Variants in SPTBN4 observed in about 807,000 individuals in gnomAD.
SPTBN4 encodes spectrin beta, non-erythrocytic 4.
SPTBN4 carries 96 observed loss-of-function variants against 277.8 expected under a neutral mutation model. The observed-to-expected ratio is 0.35, with a 90% CI of 0.29 to 0.41. The LOEUF is 0.41. Among genes scored for constraint, SPTBN4 ranks in the 10% least tolerant of loss-of-function variants. The probability of loss-of-function intolerance (pLI) is 1.00; values close to 1 mark genes in which losing one functional copy is unlikely to be tolerated. For missense variants in SPTBN4, 3,006 were observed against 3,595.7 expected, an observed-to-expected ratio of 0.84 and a Z score of 4.19; for synonymous variants, 1,481 against 1,580.3, an observed-to-expected ratio of 0.94 and a Z score of 1.49.
rs1379345255 is a variant in SPTBN4 at position 40,515,683 on chromosome 19, C to T, written c.2903+235C>T. ...CCAGAAAGAATGTATTGGATATCTA[C>T]AATCTGCCAGGAGTATTCCCAAGCA... is the stretch of plus-strand genomic sequence containing the variant. On this transcript the variant is annotated intron_variant, in intron 15 of 35. Transcript: ENST00000598249. The surrounding 1 kb of genome is among the most constrained non-coding windows in gnomAD (Gnocchi z 4.1). Among the ~76,000 whole-genome samples the T allele has an allele frequency of 6.6e-6, 1 of 152,092 alleles. No individual in the cohort carries two copies. Among genetic ancestry groups the T allele is most frequent in the Non-Finnish European group, 1.5e-5 (1 of 68,024 alleles).
chr19:40,544,127 C>CTTTTTTTTTTTTTTTT (rs10618096), intron 20 of SPTBN4, among the ~76,000 whole-genome samples: 27 of 128,854 alleles, frequency 2.1e-4, no homozygotes, highest in East Asian at 4.4e-4. Context: ...TCTTCTTCCT[C>CTTTTTTTTTTTTTTTT]TTTTTTTTTT....
At chr19:40,481,470 TTTTTGTTTTG>T (rs556360258) in intron 2 of SPTBN4, among the ~76,000 whole-genome samples, 20 of 151,976 alleles carry the variant, frequency 1.3e-4, no homozygotes, top group Admixed American at 5.3e-4. Flanking sequence ...ATGGTCAGGT[TTTTTGTTTTG>T]TTTTGTTTTG....
Position 40,515,940 on chromosome 19 carries a change from T to C in SPTBN4, c.2903+492T>C, listed in dbSNP as rs1366187872. ...ACACACATATATATACACACATATA[T>C]ACGTATATATACACATATATACGTA... On this transcript the variant is annotated intron_variant, in intron 15 of 35. Coordinates refer to ENST00000598249, the MANE Select transcript of SPTBN4 (RefSeq NM_020971.3). The surrounding 1 kb of genome is among the most constrained non-coding windows in gnomAD (Gnocchi z 4.1). 1.4e-5 allele frequency among the ~76,000 whole-genome samples: 1 copy of C among 72,898 alleles called. No individual in the cohort carries two copies. 47.8% of individuals were successfully genotyped at this position (72,898 alleles called of 152,430 possible).
chr19:40,515,079 T>G lies in SPTBN4; in HGVS notation c.2766-232T>G, dbSNP rs999244074. On this transcript the variant is annotated intron_variant, in intron 14 of 35. Transcript: ENST00000598249. This position sits in a 1 kb window ranked among gnomAD's most constrained non-coding sequence, Gnocchi z 4.1. ...ACAATCGCGCCACTGCACTCCAGCC[T>G]GGGTGACAGAGCGAGACTCTGTCTC... is the stretch of plus-strand genomic sequence containing the variant. Among the ~76,000 whole-genome samples the G allele has an allele frequency of 2.6e-5, 4 of 152,146 alleles. No homozygotes were observed. Among genetic ancestry groups the G allele is most frequent in the African/African-American group, 9.7e-5 (4 of 41,430 alleles).
chr19:40,559,549 G>A (rs935710628), intron 26 of SPTBN4, among the ~76,000 whole-genome samples: 3 of 152,176 alleles, frequency 2.0e-5, no homozygotes, highest in African/African-American at 7.2e-5. Flanking sequence ...TTAGTAGGCT[G>A]AGGCAGGAGG....
chr19:40,550,262 C>A lies in SPTBN4; in HGVS notation c.4609C>A (p.Leu1537Met), dbSNP rs143003476. The A allele has an allele frequency of 7.4e-5, 119 of 1,613,494 alleles. No individual in the cohort carries two copies. In the African/African-American group the frequency reaches 1.5e-3, roughly 20 times the overall value. ...ELAWVQERLP[L>M]AMQTERGNGL... The stretch of plus-strand genomic sequence containing the variant: ...GGCATGGGTTCAGGAGCGGCTGCCA[C>A]TGGCCATGCAGACAGAGCGAGGCAA... Residue 1537 changes from leucine (L) to methionine (M), a missense_variant, in exon 22 of 36, where the codon CTG becomes ATG. This residue lies in a region of SPTBN4 where 1,759 missense variants were observed against 2,061.5 expected (regional missense o/e 0.85). Coordinates refer to ENST00000598249, the MANE Select transcript of SPTBN4 (RefSeq NM_020971.3).
chr19:40,513,012 G>C lies in SPTBN4; in HGVS notation c.2223G>C (p.Leu741=). ...GCCCGGGAGCAGACACCGTGCACCTGGTAGGCCTGGCGGAGCGCGCGGCGA... is the reference window on the plus strand; with the variant it reads ...GCCCGGGAGCAGACACCGTGCACCTCGTAGGCCTGGCGGAGCGCGCGGCGA... The part of the protein sequence containing the change: ...AVGPGADTVH[L]VGLAERAASA... The change falls in exon 14 of 36, where the codon CTG becomes CTC. Residue 741 remains leucine (L), a synonymous_variant. Transcript: ENST00000598249. The C allele has an allele frequency of 7.0e-7, 1 of 1,432,304 alleles. No individual in the cohort carries two copies. Among genetic ancestry groups the C allele is most frequent in the Non-Finnish European group, 9.1e-7 (1 of 1,099,874 alleles). The allele number at this position is 1,432,304 out of a possible 1,614,324, so 88.7% of individuals were successfully genotyped here.
chr19:40,555,514 G>GAA (rs796173892), intron 24 of SPTBN4, among the ~76,000 whole-genome samples: 2 of 140,032 alleles, frequency 1.4e-5, no homozygotes, highest in South Asian at 2.3e-4. Flanking sequence ...AAAAAGAAAA[G>GAA]AAAAAAAAAG....
At chr19:40,544,693 C>T (rs1035689057) in intron 20 of SPTBN4, among the ~76,000 whole-genome samples, 4 of 152,050 alleles carry the variant, frequency 2.6e-5, no homozygotes, top group African/African-American at 4.8e-5. Flanking sequence ...AGGTGATCCA[C>T]GCGCCTTGGC....
intron 6 of SPTBN4, 49 bp downstream of exon 6, chr19:40,495,026 T>C (rs771066363): frequency 1.3e-6 from 2 of 1,557,218 alleles, no homozygotes; most frequent in Non-Finnish European, 1.8e-6. Context: ...GCCCCCCATA[T>C]CCCTGCAGCT....
At position 40,515,943 on chromosome 19, in the gene SPTBN4, GTATA is replaced by G. The variant is rs1409031560; in HGVS notation, c.2903+500_2903+503del. Among the ~76,000 whole-genome samples the G allele has an allele frequency of 1.5e-5, 1 of 67,044 alleles. No homozygotes were observed. The highest frequency in any genetic ancestry group is 3.4e-5 in the Non-Finnish European group (1 of 29,710). 44.0% of individuals were successfully genotyped at this position (67,044 alleles called of 152,430 possible). ...CACATATATATACACACATATATAC[GTATA>G]TATACACATATATACGTATATATAC... is the stretch of plus-strand genomic sequence containing the variant. On this transcript the variant is annotated intron_variant, in intron 15 of 35. Transcript: ENST00000598249. This position sits in a 1 kb window ranked among gnomAD's most constrained non-coding sequence, Gnocchi z 4.1.
At chr19:40,484,893 C>G (rs1314326091) in intron 2 of SPTBN4, among the ~76,000 whole-genome samples, 1 of 151,880 alleles carries the variant, frequency 6.6e-6, no homozygotes, top group Non-Finnish European at 1.5e-5. Flanking sequence ...GATCGCGCCA[C>G]TGCACTCCAG....
At chr19:40,499,648 T>C (rs1442063052) in intron 7 of SPTBN4, among the ~76,000 whole-genome samples, 1 of 151,950 alleles carries the variant, frequency 6.6e-6, no homozygotes, top group Non-Finnish European at 1.5e-5. Flanking sequence ...CCTCCCACCT[T>C]GGCCTCCCAG....
intron 20 of SPTBN4, among the ~76,000 whole-genome samples, chr19:40,548,404 TC>T (rs1468220869): frequency 1.3e-5 from 2 of 152,012 alleles, no homozygotes; most frequent in African/African-American, 4.8e-5. Flanking sequence ...GGCACAAGAA[TC>T]ACTTGAACCT....
intron 20 of SPTBN4, among the ~76,000 whole-genome samples, chr19:40,546,088 G>GT (rs1266838448): frequency 8.6e-5 from 13 of 150,342 alleles, no homozygotes; most frequent in Non-Finnish European, 1.8e-4. Context: ...AACCGGGCGT[G>GT]GTGATGTGTG....
Position 40,513,171 on chromosome 19 carries a change from C to A in SPTBN4, c.2382C>A (p.Arg794=). ...GLLDWLRDAY[R]LAAAGDFGHD... Reference sequence around the variant, plus strand: ...TGGACTGGCTTCGCGACGCTTACCGCCTGGCAGCCGCCGGTGACTTCGGCC... The same window carrying A: ...TGGACTGGCTTCGCGACGCTTACCGACTGGCAGCCGCCGGTGACTTCGGCC... The change falls in exon 14 of 36, where the codon CGC becomes CGA. Residue 794 remains arginine, a synonymous_variant. Transcript: ENST00000598249. The A allele has an allele frequency of 6.7e-7, 1 of 1,501,718 alleles. No homozygotes were observed. The highest frequency in any genetic ancestry group is 8.8e-7 in the Non-Finnish European group (1 of 1,133,852). The allele number at this position is 1,501,718 out of a possible 1,614,324, so 93.0% of individuals were successfully genotyped here. A position where few individuals can be genotyped will look rare whatever the true frequency, so the allele number is the denominator to read the frequency against.
intron 14 of SPTBN4, among the ~76,000 whole-genome samples, chr19:40,514,842 C>A (rs1030203204): frequency 6.6e-6 from 1 of 151,908 alleles, no homozygotes; most frequent in Non-Finnish European, 1.5e-5. Context: ...TGGTGGCTCA[C>A]GCCTGTAATC....
At chr19:40,522,005 T>A (rs2080532164) in intron 16 of SPTBN4, among the ~76,000 whole-genome samples, 1 of 152,084 alleles carries the variant, frequency 6.6e-6, no homozygotes, top group Admixed American at 6.6e-5. Context: ...AGAACTTCCT[T>A]GAGTTCACAC....
In SPTBN4 at chr19:40,557,225, C is replaced by T. The variant is rs1203777040; in HGVS notation, c.5492C>T (p.Ala1831Val). ...ELMGTRAQLL[A>V]ASRELHKFFS... is the part of the protein sequence containing the mutation. ...ATGGGCACACGGGCCCAGCTGCTGGCCGCCTCTCGGGAGCTTCATAAGTTC... is the reference window on the plus strand; with the variant it reads ...ATGGGCACACGGGCCCAGCTGCTGGTCGCCTCTCGGGAGCTTCATAAGTTC... The change falls in exon 26 of 36, where the codon GCC becomes GTC. Residue 1831 changes from alanine (A) to valine (V), a missense_variant. Physicochemically the swap from Ala to Val is moderately conservative, Grantham distance 64. This residue lies in a region of SPTBN4 where 425 missense variants were observed against 594.7 expected (regional missense o/e 0.71). Coordinates refer to ENST00000598249, the MANE Select transcript of SPTBN4 (RefSeq NM_020971.3). 6.2e-7 allele frequency: 1 copy of T among 1,611,136 alleles called. No individual in the cohort carries two copies. The highest frequency in any genetic ancestry group is 8.5e-7 in the Non-Finnish European group (1 of 1,177,864).
Sources: allele counts gnomAD v4.1 joint callset (sites outside exome capture counted in the v4.1 genomes callset), GRCh38; gene constraint gnomAD v4.1.1; regional missense constraint gnomAD v4.1.1; non-coding constraint Gnocchi (gnomAD v3.1); transcripts MANE v1.5; gene names NCBI Gene and HGNC (gene_info 2026-07-23, HGNC 2026-07-21).